Variants in NCAM1 observed in about 807,000 individuals in gnomAD.
NCAM1 encodes the protein neural cell adhesion molecule 1.
A neutral mutation model predicts 109.8 loss-of-function variants in NCAM1; 14 were observed. The ratio of observed to expected loss-of-function variants is 0.13; its 90% confidence interval spans 0.08 to 0.20. The LOEUF (loss-of-function observed/expected upper bound fraction) is 0.20, where lower values mean the gene tolerates loss of function less well. Among genes scored for constraint, NCAM1 ranks in the 10% least tolerant of loss-of-function variants. NCAM1 has a pLI of 1.00. For missense variants in NCAM1, 774 were observed against 1,109.9 expected (o/e 0.70, Z 4.30); for synonymous variants, 418 against 442.9 (o/e 0.94, Z 0.70).
intron 8 of NCAM1, among the ~76,000 whole-genome samples, chr11:113,214,733 G>A (rs1292650309): frequency 6.6e-6 from 1 of 152,142 alleles, no homozygotes; most frequent in Non-Finnish European, 1.5e-5. Context: ...TGGTGGGGGC[G>A]TGATGTATGG....
chr11:113,256,841 C>G (rs781897425), intron 16 of NCAM1, among the ~76,000 whole-genome samples: 1 of 152,322 alleles, frequency 6.6e-6, no homozygotes, highest in East Asian at 1.9e-4. Context: ...CTGAGAATAA[C>G]CTCTTGCTGG....
rs1198244320 is a variant in NCAM1, at chr11:113,277,980, AGGAG to A, written c.*2597_*2600del. The stretch of plus-strand genomic sequence containing the variant: ...TATAATTTTCTTTTTTAATTTTTGA[AGGAG>A]GGATCAACTCCAGTTTCCAATGTCT... On this transcript the variant is annotated 3_prime_UTR_variant, in exon 20 of 20. Transcript: ENST00000316851. 6.7e-6 allele frequency: 1 copy of A among 150,230 alleles called. No individual in the cohort carries two copies. Among genetic ancestry groups the A allele is most frequent in the African/African-American group, 2.5e-5 (1 of 40,704 alleles). 9.3% of individuals were successfully genotyped at this position (150,230 alleles called of 1,614,324 possible).
At chr11:113,131,269 T>C (rs1356559584) in intron 1 of NCAM1, among the ~76,000 whole-genome samples, 2 of 152,192 alleles carry the variant, frequency 1.3e-5, no homozygotes, top group African/African-American at 2.4e-5. Flanking sequence ...CAGTGAGCCC[T>C]GTCATGGCCT....
At chr11:113,085,215 A>G (rs1266826660) in intron 1 of NCAM1, among the ~76,000 whole-genome samples, 1 of 152,228 alleles carries the variant, frequency 6.6e-6, no homozygotes, top group African/African-American at 2.4e-5. Context: ...GCCTGTCTGC[A>G]AACAGCTGTA....
chr11:113,106,938 C>T (rs1419108400), intron 1 of NCAM1, among the ~76,000 whole-genome samples: 2 of 152,168 alleles, frequency 1.3e-5, no homozygotes, highest in Admixed American at 1.3e-4. Flanking sequence ...TGTGGTCTCT[C>T]CTCCTCGATT....
At chr11:113,234,888 T>C in intron 13 of NCAM1, 145 bp from the exon 14 acceptor site, 1 of 1,122,188 alleles carries the variant, frequency 8.9e-7, no homozygotes, top group Non-Finnish European at 1.2e-6. Flanking sequence ...CGACTTTCAA[T>C]TCTATGCATA....
At chr11:113,185,503 C>G (rs1555108724) in intron 1 of NCAM1, among the ~76,000 whole-genome samples, 1 of 152,098 alleles carries the variant, frequency 6.6e-6, no homozygotes, top group Non-Finnish European at 1.5e-5. Context: ...ATCTGGGCAC[C>G]TTATGGCTCA....
Position 113,273,326 on chromosome 11 carries a change from G to A in NCAM1, c.2456+1450G>A, listed in dbSNP as rs1555125886. ...CTGCTGGTGTCGGGGAGGCCTCTAA[G>A]GCTCCTCCGGCCAGCAAGCCCACCC... On this transcript the variant is annotated intron_variant, in intron 19 of 19. Transcript: ENST00000316851. This position sits in a 1 kb window ranked among gnomAD's most constrained non-coding sequence, Gnocchi z 6.0. 1 of 343,556 alleles carries A rather than the reference G, an allele frequency of 2.9e-6. No homozygotes were observed. Among genetic ancestry groups the A allele is most frequent in the African/African-American group, 2.2e-5 (1 of 46,442 alleles). 21.3% of individuals were successfully genotyped at this position (343,556 alleles called of 1,614,324 possible).
intron 1 of NCAM1, among the ~76,000 whole-genome samples, chr11:113,160,250 C>T (rs567796439): frequency 7.6e-4 from 116 of 152,262 alleles, no homozygotes; most frequent in Non-Finnish European, 1.3e-3. Flanking sequence ...AATCTCTCAC[C>T]ACATTGGAGT....
chr11:113,218,472 T>C (rs1422999603), intron 8 of NCAM1, among the ~76,000 whole-genome samples: 1 of 152,230 alleles, frequency 6.6e-6, no homozygotes, highest in Non-Finnish European at 1.5e-5. Context: ...CTAGTATTAG[T>C]CTTCTTAAGG....
At chr11:113,152,624 T>G (rs1942263987) in intron 1 of NCAM1, among the ~76,000 whole-genome samples, 1 of 152,210 alleles carries the variant, frequency 6.6e-6, no homozygotes, top group African/African-American at 2.4e-5. Flanking sequence ...TTGGCTCAGA[T>G]ATAGGAACAT....
chr11:113,273,237 G>C lies in NCAM1; in HGVS notation c.2456+1361G>C. 2.9e-6 allele frequency: 1 copy of C among 347,198 alleles called. No individual in the cohort carries two copies. Among genetic ancestry groups the C allele is most frequent in the Non-Finnish European group, 5.6e-6 (1 of 179,912 alleles). The allele number at this position is 347,198 out of a possible 1,614,324, so 21.5% of individuals were successfully genotyped here. A position where few individuals can be genotyped will look rare whatever the true frequency, so the allele number is the denominator to read the frequency against. On this transcript the variant is annotated intron_variant, in intron 19 of 19. Coordinates refer to ENST00000316851, the MANE Select transcript of NCAM1 (RefSeq NM_181351.5). This position sits in a 1 kb window ranked among gnomAD's most constrained non-coding sequence, Gnocchi z 6.0. ...GAGCGACACCCCGACCTCAACCCCT[G>C]CCGCTAGCAATTTGTCTTCTAGTGT... is the stretch of plus-strand genomic sequence containing the variant.
intron 1 of NCAM1, among the ~76,000 whole-genome samples, chr11:113,122,937 A>C (rs1001819432): frequency 1.3e-5 from 2 of 152,278 alleles, no homozygotes; most frequent in African/African-American, 4.8e-5. Flanking sequence ...CATTCTGTTA[A>C]GTGAAGTAAG....
chr11:113,072,874 T>C (rs1374323998), intron 1 of NCAM1, among the ~76,000 whole-genome samples: 1 of 151,940 alleles, frequency 6.6e-6, no homozygotes, highest in Non-Finnish European at 1.5e-5. Context: ...ACAAAATTTA[T>C]CATCTTAACC....
chr11:113,003,262 T>C (rs1951804863), intron 1 of NCAM1, among the ~76,000 whole-genome samples: 1 of 152,248 alleles, frequency 6.6e-6, no homozygotes, highest in Non-Finnish European at 1.5e-5. Flanking sequence ...GGTCTCTCCA[T>C]ATCAGAAGAG....
chr11:113,025,605 G>A lies in NCAM1; in HGVS notation c.52+63941G>A, dbSNP rs74667983. On this transcript the variant is annotated intron_variant, in intron 1 of 19. Coordinates refer to ENST00000316851, the MANE Select transcript of NCAM1 (RefSeq NM_181351.5). Reference sequence around the variant, plus strand: ...CCAGAGAGTAAGTGAGCAGAGAAGGGGGTGGGTGAACAAAGAAAGTGCCCT... The same window carrying A: ...CCAGAGAGTAAGTGAGCAGAGAAGGAGGTGGGTGAACAAAGAAAGTGCCCT... Among the ~76,000 whole-genome samples the A allele has an allele frequency of 4.8e-3, 727 of 152,104 alleles. 5 individuals are homozygous for A. Among genetic ancestry groups the A allele is most frequent in the African/African-American group, 0.017 (692 of 41,506 alleles).
chr11:113,215,576 AG>A (rs1487602843), intron 8 of NCAM1, among the ~76,000 whole-genome samples: 52 of 152,220 alleles, frequency 3.4e-4, no homozygotes, highest in Admixed American at 2.6e-4. Context: ...TTTGCATTTG[AG>A]GAGCTGATTT....
intron 7 of NCAM1, 142 bp downstream of exon 7, chr11:113,208,144 C>T (rs891385125): frequency 3.8e-5 from 39 of 1,013,362 alleles, no homozygotes; most frequent in Non-Finnish European, 4.7e-5. Context: ...CCACCTAGTC[C>T]AAGCCCTAGT....
At chr11:113,022,067 G>T (rs1952401003) in intron 1 of NCAM1, among the ~76,000 whole-genome samples, 1 of 152,176 alleles carries the variant, frequency 6.6e-6, no homozygotes, top group Admixed American at 6.5e-5. Flanking sequence ...AGTTGGTCTG[G>T]TGTTAGTCCA....
Sources: gnomAD v4.1 joint callset for allele counts (sites outside exome capture counted in the v4.1 genomes callset) on GRCh38, gnomAD v4.1.1 for gene constraint, Gnocchi (gnomAD v3.1) non-coding constraint, MANE v1.5 for transcripts, NCBI Gene and HGNC (gene_info 2026-07-23, HGNC 2026-07-21) for gene names.